CFTR: variants seen among roughly 807,000 people sequenced by gnomAD.
CFTR encodes CF transmembrane conductance regulator, also known as cystic fibrosis transmembrane conductance regulator.
Under a neutral mutation model 171.6 loss-of-function variants are expected in CFTR, and 181 were observed. That is an observed-to-expected ratio of 1.05 (90% CI 0.93 to 1.19). The LOEUF (loss-of-function observed/expected upper bound fraction) is 1.19. Ranked by LOEUF, CFTR falls within the 50% of genes most tolerant of loss-of-function variation. CFTR has a pLI of 0.00. For missense variants in CFTR, 1,968 were observed against 1,734.7 expected (o/e 1.13, Z -2.39); for synonymous variants, 583 against 608.0 (o/e 0.96, Z 0.60).
chr7:117,567,798 G>A (rs1444085417), intron 11 of CFTR, among the ~76,000 whole-genome samples: 2 of 152,154 alleles, frequency 1.3e-5, no homozygotes, highest in African/African-American at 4.8e-5. Context: ...CTGTCCTCAA[G>A]GAGCTTTCAT....
At position 117,602,810 on chromosome 7, in the gene CFTR, T is replaced by A; in HGVS notation, c.2620-16T>A. 6.2e-7 allele frequency: 1 copy of A among 1,613,292 alleles called. No homozygotes were observed. The highest frequency in any genetic ancestry group is 8.5e-7 in the Non-Finnish European group (1 of 1,179,228). ...GATGTTAGAAAAAAAATCAACTGTG[T>A]CTTGTTCCATTCCAGGTGGCTGCTT... On this transcript the variant is annotated splice_polypyrimidine_tract_variant and intron_variant, in intron 15 of 26. Transcript: ENST00000003084.
Position 117,595,039 on chromosome 7 carries a change from T to TA in CFTR, c.2601dup (p.Val868SerfsTer28), listed in dbSNP as rs397508405. The stretch of plus-strand genomic sequence containing the variant: ...TTAATTTTTGTGCTAATTTGGTGCT[T>TA]AGTAATTTTTCTGGCAGAGGTAAGA... On this transcript the variant is annotated frameshift_variant, in exon 15 of 27. Coordinates refer to ENST00000003084, the MANE Select transcript of CFTR (RefSeq NM_000492.4). LOFTEE classifies it high-confidence loss of function. The TA allele has an allele frequency of 4.3e-6, 7 of 1,612,640 alleles. No homozygotes were observed. Among genetic ancestry groups the TA allele is most frequent in the Non-Finnish European group, 5.9e-6 (7 of 1,179,206 alleles).
chr7:117,638,323 A>T (rs1792858045), intron 22 of CFTR, among the ~76,000 whole-genome samples: 1 of 152,172 alleles, frequency 6.6e-6, no homozygotes, highest in Non-Finnish European at 1.5e-5. Flanking sequence ...CAGAATCTGG[A>T]AGTCCTGTTT....
chr7:117,654,540 G>A (rs570782827), intron 24 of CFTR, among the ~76,000 whole-genome samples: 2 of 152,202 alleles, frequency 1.3e-5, no homozygotes, highest in East Asian at 3.9e-4. Flanking sequence ...ACTGGATCAT[G>A]GGCATGGTTT....
intron 22 of CFTR, among the ~76,000 whole-genome samples, chr7:117,636,094 CTT>C (rs1245183379): frequency 6.6e-6 from 1 of 152,112 alleles, no homozygotes; most frequent in Admixed American, 6.6e-5. Context: ...CTGATAGAGA[CTT>C]TATTTCTTCT....
chr7:117,526,264 T>C (rs1798777985), intron 3 of CFTR, among the ~76,000 whole-genome samples: 1 of 148,946 alleles, frequency 6.7e-6, no homozygotes, highest in Non-Finnish European at 1.5e-5. Flanking sequence ...GAATGACTAC[T>C]GGGTACATAA....
Position 117,582,466 on chromosome 7 carries a change from T to A in CFTR, c.1585-5273T>A, listed in dbSNP as rs190852936. 4.6e-5 allele frequency among the ~76,000 whole-genome samples: 7 copies of A among 152,296 alleles called. No homozygotes were observed. The East Asian group carries it at 1.4e-3, about 29-fold the overall frequency. On this transcript the variant is annotated intron_variant, in intron 11 of 26. Transcript: ENST00000003084. ...TGGATGCATTTCTTTATGGCATTTTTCCCAGGGTACACGCAACCTGGAAGA... is the reference window on the plus strand; with the variant it reads ...TGGATGCATTTCTTTATGGCATTTTACCCAGGGTACACGCAACCTGGAAGA...
intron 22 of CFTR, among the ~76,000 whole-genome samples, chr7:117,628,892 A>T (rs1343893039): frequency 6.6e-6 from 1 of 152,098 alleles, no homozygotes; most frequent in Admixed American, 6.6e-5. Flanking sequence ...ATGAATGCCA[A>T]AAGTGATATC....
chr7:117,540,086 ATTGTTTTT>A lies in CFTR; in HGVS notation c.870-12_870-5del, dbSNP rs377686676. 2 of 1,605,646 alleles carry A rather than the reference ATTGTTTTT, an allele frequency of 1.2e-6. No homozygotes were observed. Among genetic ancestry groups the A allele is most frequent in the African/African-American group, 2.7e-5 (2 of 74,852 alleles). On this transcript the variant is annotated splice_polypyrimidine_tract_variant and splice_region_variant and intron_variant, in intron 7 of 26. Coordinates refer to ENST00000003084, the MANE Select transcript of CFTR (RefSeq NM_000492.4). The stretch of plus-strand genomic sequence containing the variant: ...AAATAACATCCTGAATTTTATTGTT[ATTGTTTTT>A]TATAGAACAGAACTGAAACTGACTC...
chr7:117,550,259 C>A (rs974658025), intron 10 of CFTR, among the ~76,000 whole-genome samples: 8 of 151,596 alleles, frequency 5.3e-5, no homozygotes, highest in African/African-American at 1.7e-4. Context: ...GGAGGATCAC[C>A]TGAGCCTGAG....
chr7:117,595,533 G>C (rs993416763), intron 15 of CFTR, among the ~76,000 whole-genome samples: 1 of 151,146 alleles, frequency 6.6e-6, no homozygotes, highest in Non-Finnish European at 1.5e-5. Context: ...GTTTTTAATA[G>C]ATTTTATAAT....
intron 15 of CFTR, among the ~76,000 whole-genome samples, chr7:117,596,156 C>T (rs1043551938): frequency 8.5e-6 from 1 of 118,302 alleles, no homozygotes; most frequent in Non-Finnish European, 1.7e-5. Flanking sequence ...GAGGGAGAGG[C>T]GCTGGGGGAA....
chr7:117,511,782 G>A (rs1325334872), intron 3 of CFTR, among the ~76,000 whole-genome samples: 4 of 152,042 alleles, frequency 2.6e-5, no homozygotes, highest in Admixed American at 1.3e-4. Flanking sequence ...AAACATAGTG[G>A]CCATTTAGAT....
chr7:117,627,322 A>G (rs1055545850), intron 21 of CFTR, among the ~76,000 whole-genome samples, 200 bp from the exon 22 acceptor site: 7 of 152,160 alleles, frequency 4.6e-5, no homozygotes, highest in African/African-American at 1.7e-4. Context: ...GCCCATTTAT[A>G]TAAGTCCTGG....
At chr7:117,540,040 A>G in intron 7 of CFTR, 60 bp from the exon 8 acceptor site, 1 of 1,419,760 alleles carries the variant, frequency 7.0e-7, no homozygotes, top group Non-Finnish European at 9.8e-7. Flanking sequence ...CCATTCCAAG[A>G]TCCCTGATAT....
chr7:117,619,651 C>T (rs573385699), intron 21 of CFTR, among the ~76,000 whole-genome samples: 2 of 151,280 alleles, frequency 1.3e-5, no homozygotes, highest in South Asian at 4.2e-4. Flanking sequence ...CTTTAATTCT[C>T]CAAGTGAAGC....
At position 117,666,921 on chromosome 7, in the gene CFTR, A is replaced by T. The variant is rs1461912555; in HGVS notation, c.4256A>T (p.Asn1419Ile). 6.2e-7 allele frequency: 1 copy of T among 1,613,902 alleles called. No homozygotes were observed. The highest frequency in any genetic ancestry group is 8.5e-7 in the Non-Finnish European group (1 of 1,179,964). Residue 1419 changes from asparagine to isoleucine, a missense_variant, in exon 27 of 27, where the codon AAC (asparagine) becomes ATC (isoleucine). Asn to Ile is a moderately radical substitution (Grantham distance 149, BLOSUM62 -3). Transcript: ENST00000003084. Reference sequence around the variant, plus strand: ...CCATTTCCCTAGGTCATAGAAGAGAACAAAGTGCGGCAGTACGATTCCATC... The same window carrying T: ...CCATTTCCCTAGGTCATAGAAGAGATCAAAGTGCGGCAGTACGATTCCATC... The part of the protein sequence containing the change: ...ECQQFLVIEE[N>I]KVRQYDSIQK...
intron 3 of CFTR, among the ~76,000 whole-genome samples, chr7:117,522,419 G>C (rs1054476545): frequency 1.3e-5 from 2 of 152,134 alleles, no homozygotes; most frequent in Non-Finnish European, 2.9e-5. Flanking sequence ...AGCCAATGTA[G>C]GTAATGTGCT....
At chr7:117,615,960 A>T (rs959828337) in intron 21 of CFTR, among the ~76,000 whole-genome samples, 2 of 152,012 alleles carry the variant, frequency 1.3e-5, no homozygotes, top group African/African-American at 4.8e-5. Context: ...TACTCTTTTT[A>T]AAATTATACT....
Sources: gnomAD v4.1 joint callset for allele counts (sites outside exome capture counted in the v4.1 genomes callset) on GRCh38, gnomAD v4.1.1 for gene constraint, MANE v1.5 for transcripts, NCBI Gene and HGNC (gene_info 2026-07-23, HGNC 2026-07-21) for gene names.